KCNT2: variants seen among roughly 807,000 people sequenced by gnomAD.
The protein encoded by KCNT2 is potassium sodium-activated channel subfamily T member 2.
KCNT2 carries 67 observed loss-of-function variants against 153.8 expected under a neutral mutation model. The ratio of observed to expected loss-of-function variants is 0.44; its 90% CI spans 0.36 to 0.53. The LOEUF is 0.53. KCNT2 is among the 20% of genes least tolerant of loss of function. The pLI is 0.00. For synonymous variants in KCNT2, 500 were observed against 458.8 expected, an observed-to-expected ratio of 1.09 and a Z score of -1.15; for missense variants, 975 against 1,354.8, an observed-to-expected ratio of 0.72 and a Z score of 4.40.
chr1:196,287,392 G>T (rs1659765190), intron 22 of KCNT2, among the ~76,000 whole-genome samples: 1 of 152,052 alleles, frequency 6.6e-6, no homozygotes, highest in Non-Finnish European at 1.5e-5. Context: ...GGAGTAGCCA[G>T]AATAAAGTGC....
intron 26 of KCNT2, among the ~76,000 whole-genome samples, chr1:196,241,558 C>T (rs1245811991): frequency 6.6e-6 from 1 of 151,964 alleles, no homozygotes; most frequent in African/African-American, 2.4e-5. Context: ...AAATTATTTT[C>T]ATTATCATTC....
intron 13 of KCNT2, among the ~76,000 whole-genome samples, chr1:196,398,063 A>G (rs984851478): frequency 1.3e-5 from 2 of 151,474 alleles, no homozygotes; most frequent in Non-Finnish European, 3.0e-5. Context: ...AAAAAAGTTC[A>G]CATGCATCTT....
chr1:196,264,384 T>G (rs192187620), intron 25 of KCNT2, among the ~76,000 whole-genome samples: 1 of 152,158 alleles, frequency 6.6e-6, no homozygotes, highest in Non-Finnish European at 1.5e-5. Context: ...TATACATTAC[T>G]TCCTGAGTTT....
At chr1:196,434,927 T>C (rs1674486628) in intron 8 of KCNT2, among the ~76,000 whole-genome samples, 2 of 151,418 alleles carry the variant, frequency 1.3e-5, no homozygotes, top group East Asian at 2.0e-4. Context: ...TCTCTTCCAA[T>C]TGCCAGACAT....
intron 8 of KCNT2, among the ~76,000 whole-genome samples, chr1:196,443,398 C>T (rs1287819698): frequency 1.3e-5 from 2 of 151,458 alleles, no homozygotes; most frequent in African/African-American, 4.8e-5. Context: ...ATTCTCCTTG[C>T]CCTCCACAGC....
chr1:196,286,234 G>GTAA (rs927797686), intron 22 of KCNT2, among the ~76,000 whole-genome samples: 1 of 152,058 alleles, frequency 6.6e-6, no homozygotes, highest in Non-Finnish European at 1.5e-5. Flanking sequence ...AATCCCCAAG[G>GTAA]TAATAGTATT....
intron 1 of KCNT2, among the ~76,000 whole-genome samples, chr1:196,566,642 C>T (rs975126035): frequency 3.3e-5 from 5 of 151,984 alleles, no homozygotes; most frequent in African/African-American, 9.7e-5. Context: ...GAAGTTTACC[C>T]ATAGTTTCAC....
intron 21 of KCNT2, among the ~76,000 whole-genome samples, chr1:196,309,643 C>T (rs1475647096): frequency 6.6e-6 from 1 of 151,672 alleles, no homozygotes; most frequent in African/African-American, 2.4e-5. Flanking sequence ...GTATGTTAAC[C>T]CCCTTTATAT....
intron 1 of KCNT2, among the ~76,000 whole-genome samples, chr1:196,499,613 G>A (rs1193149194): frequency 6.6e-6 from 1 of 152,162 alleles, no homozygotes; most frequent in Admixed American, 6.5e-5. Flanking sequence ...TATAACATCT[G>A]AGGATGCAAA....
chr1:196,301,349 A>C (rs1661167707), intron 22 of KCNT2, among the ~76,000 whole-genome samples: 1 of 152,154 alleles, frequency 6.6e-6, no homozygotes, highest in Non-Finnish European at 1.5e-5. Flanking sequence ...TCTCGCATGC[A>C]CACTAATAAA....
intron 1 of KCNT2, among the ~76,000 whole-genome samples, chr1:196,494,200 C>G (rs1680071276): frequency 6.6e-6 from 1 of 152,118 alleles, no homozygotes; most frequent in Non-Finnish European, 1.5e-5. Context: ...AATATAGTAA[C>G]TGTAAATAGT....
At chr1:196,248,467 A>T (rs1452162057) in intron 26 of KCNT2, among the ~76,000 whole-genome samples, 1 of 152,132 alleles carries the variant, frequency 6.6e-6, no homozygotes, top group Non-Finnish European at 1.5e-5. Flanking sequence ...AAACATTACA[A>T]CTGATACTGC....
At chr1:196,238,253 C>A (rs1654621303) in intron 26 of KCNT2, among the ~76,000 whole-genome samples, 1 of 151,796 alleles carries the variant, frequency 6.6e-6, no homozygotes, top group Non-Finnish European at 1.5e-5. Flanking sequence ...ACCTGGCTTG[C>A]CTGTTAAAAA....
chr1:196,507,610 A>T (rs1289922525), intron 1 of KCNT2, among the ~76,000 whole-genome samples: 1 of 152,084 alleles, frequency 6.6e-6, no homozygotes, highest in African/African-American at 2.4e-5. Flanking sequence ...AAGCTCCTGG[A>T]CCAGTTTTAA....
chr1:196,268,399 T>A (rs1407456569), intron 25 of KCNT2, among the ~76,000 whole-genome samples: 1 of 152,194 alleles, frequency 6.6e-6, no homozygotes, highest in Non-Finnish European at 1.5e-5. Context: ...GACCAAGACA[T>A]GAATTTCACT....
intron 25 of KCNT2, among the ~76,000 whole-genome samples, chr1:196,276,130 G>T (rs1397365200): frequency 6.6e-6 from 1 of 151,796 alleles, no homozygotes; most frequent in African/African-American, 2.4e-5. Context: ...TTCTCACTCT[G>T]CAAGAAGAGT....
At chr1:196,479,645 A>C (rs1678842420) in intron 4 of KCNT2, among the ~76,000 whole-genome samples, 1 of 152,126 alleles carries the variant, frequency 6.6e-6, no homozygotes, top group South Asian at 2.1e-4. Context: ...CCCGGGGCTC[A>C]AGCAATCCAC....
At chr1:196,389,307 G>A (rs1269731707) in intron 13 of KCNT2, among the ~76,000 whole-genome samples, 1 of 151,640 alleles carries the variant, frequency 6.6e-6, no homozygotes. Flanking sequence ...TTCTCATGAT[G>A]TCTTTGGCTT....
intron 12 of KCNT2, among the ~76,000 whole-genome samples, chr1:196,409,740 A>T (rs1672125380): frequency 6.6e-6 from 1 of 151,678 alleles, no homozygotes; most frequent in Admixed American, 6.6e-5. Flanking sequence ...CCTATTGTGA[A>T]TAATACTGCA....
Sources: allele counts gnomAD v4.1 joint callset (sites outside exome capture counted in the v4.1 genomes callset), GRCh38; gene constraint gnomAD v4.1.1; transcripts MANE v1.5; gene names NCBI Gene and HGNC (gene_info 2026-07-23, HGNC 2026-07-21).